The following MTSS1 variants were observed in gnomAD, a reference collection of about 807,000 sequenced individuals.
MTSS1 encodes protein MTSS 1.
MTSS1 carries 18 observed loss-of-function variants against 79.0 expected under a neutral mutation model. The observed-to-expected ratio is 0.23, with a 90% CI of 0.16 to 0.34. The LOEUF (loss-of-function observed/expected upper bound fraction) is 0.34, where lower values mean the gene tolerates loss of function less well. Ranked by LOEUF, MTSS1 falls within the 10% of genes least tolerant of loss-of-function variation. The pLI is 1.00. For missense variants in MTSS1, 815 were observed against 986.2 expected (o/e 0.83, Z 2.33); for synonymous variants, 341 against 368.6 (o/e 0.93, Z 0.86).
chr8:124,700,500 T>C (rs1026937985), intron 2 of MTSS1, among the ~76,000 whole-genome samples: 1 of 152,172 alleles, frequency 6.6e-6, no homozygotes, highest in African/African-American at 2.4e-5. Flanking sequence ...GTGACTTTTC[T>C]CCCTAGATCC....
rs1833963660 is a variant in MTSS1, at chr8:124,727,826, G to C, written c.72+58C>G. ...GCCCGGCCCGGGGTGGAGGCGAAGC[G>C]CGGCGGCGAGGTCAGAGCGCGGCGG... On this transcript the variant is annotated intron_variant, in intron 1 of 13. Coordinates refer to ENST00000518547, the MANE Select transcript of MTSS1 (RefSeq NM_014751.6). This position sits in a 1 kb window ranked among gnomAD's most constrained non-coding sequence, Gnocchi z 4.7. The C allele has an allele frequency of 7.0e-7, 1 of 1,435,274 alleles. No homozygotes were observed. The highest frequency in any genetic ancestry group is 2.8e-5 in the Admixed American group (1 of 35,694). The allele number at this position is 1,435,274 out of a possible 1,614,324, so 88.9% of individuals were successfully genotyped here. A position where few individuals can be genotyped will look rare whatever the true frequency, so the allele number is the denominator to read the frequency against.
intron 3 of MTSS1, among the ~76,000 whole-genome samples, chr8:124,688,860 G>A (rs914997712): frequency 6.6e-5 from 10 of 152,040 alleles, no homozygotes; most frequent in East Asian, 1.9e-4. Context: ...GTGTGACCTC[G>A]GACAAGTGAC....
At chr8:124,707,962 C>G (rs548952549) in intron 1 of MTSS1, among the ~76,000 whole-genome samples, 1 of 152,178 alleles carries the variant, frequency 6.6e-6, no homozygotes, top group Non-Finnish European at 1.5e-5. Context: ...AGCACTGGGT[C>G]CTGAGGTCTA....
At chr8:124,554,853 T>C (rs1332171860) in intron 13 of MTSS1, among the ~76,000 whole-genome samples, 1 of 152,136 alleles carries the variant, frequency 6.6e-6, no homozygotes, top group East Asian at 1.9e-4. Context: ...AAAATGAAGC[T>C]ATTCCTTTGA....
intron 3 of MTSS1, among the ~76,000 whole-genome samples, chr8:124,634,618 A>G (rs1434549495): frequency 6.6e-6 from 1 of 152,146 alleles, no homozygotes; most frequent in Non-Finnish European, 1.5e-5. Context: ...CAACAGGGAA[A>G]TACTCATCTC....
intron 3 of MTSS1, among the ~76,000 whole-genome samples, chr8:124,608,527 G>C (rs1030225599): frequency 3.9e-5 from 6 of 152,234 alleles, no homozygotes; most frequent in Non-Finnish European, 8.8e-5. Context: ...GCATGTTCAG[G>C]TTGCCGACAT....
chr8:124,614,705 C>T (rs1384664067), intron 3 of MTSS1, among the ~76,000 whole-genome samples: 1 of 152,196 alleles, frequency 6.6e-6, no homozygotes, highest in Non-Finnish European at 1.5e-5. Flanking sequence ...TGTCCCATAA[C>T]AATGTTTCTA....
intron 3 of MTSS1, among the ~76,000 whole-genome samples, chr8:124,664,303 G>C (rs892601621): frequency 5.9e-5 from 9 of 152,154 alleles, no homozygotes; most frequent in Non-Finnish European, 1.2e-4. Context: ...ACACAGGCGT[G>C]GCTATCTCCT....
chr8:124,696,127 A>G (rs1194618444), intron 3 of MTSS1, among the ~76,000 whole-genome samples: 2 of 151,978 alleles, frequency 1.3e-5, no homozygotes, highest in South Asian at 2.1e-4. Flanking sequence ...AGCTGGGATT[A>G]CAGGTGCCCA....
intron 4 of MTSS1, among the ~76,000 whole-genome samples, chr8:124,590,204 G>A (rs1437939859): frequency 5.3e-5 from 8 of 152,238 alleles, no homozygotes; most frequent in South Asian, 2.1e-4. Flanking sequence ...GTGACTGGTG[G>A]GAGTGACCCT....
chr8:124,561,880 G>A (rs1274036776), intron 10 of MTSS1, among the ~76,000 whole-genome samples: 1 of 151,956 alleles, frequency 6.6e-6, no homozygotes, highest in Non-Finnish European at 1.5e-5. Context: ...GGCTCTGAGT[G>A]CGTTTAAAAT....
At chr8:124,711,339 C>T (rs1206772687) in intron 1 of MTSS1, among the ~76,000 whole-genome samples, 1 of 152,182 alleles carries the variant, frequency 6.6e-6, no homozygotes, top group African/African-American at 2.4e-5. Flanking sequence ...CTCACAGCAG[C>T]CCAGGCAGGC....
chr8:124,627,151 T>G (rs1814852445), intron 3 of MTSS1, among the ~76,000 whole-genome samples: 1 of 152,078 alleles, frequency 6.6e-6, no homozygotes, highest in Non-Finnish European at 1.5e-5. Flanking sequence ...TATCCTCCCC[T>G]GCAACCTGGT....
chr8:124,567,774 A>G (rs1455082725), intron 7 of MTSS1: 1 of 1,528,692 alleles, frequency 6.5e-7, no homozygotes, highest in Non-Finnish European at 8.7e-7. Context: ...TTCTGTGCTC[A>G]GGGGAACAAC....
At chr8:124,647,085 A>G (rs1181916784) in intron 3 of MTSS1, among the ~76,000 whole-genome samples, 1 of 152,212 alleles carries the variant, frequency 6.6e-6, no homozygotes, top group Non-Finnish European at 1.5e-5. Flanking sequence ...CCTAGGCTCA[A>G]GTGATCCTCC....
chr8:124,625,543 G>A (rs1190065540), intron 3 of MTSS1, among the ~76,000 whole-genome samples: 4 of 152,184 alleles, frequency 2.6e-5, no homozygotes, highest in Non-Finnish European at 5.9e-5. Context: ...TCCAACACAG[G>A]CGGCTTTCAT....
chr8:124,681,713 G>A (rs1217385015), intron 3 of MTSS1, among the ~76,000 whole-genome samples: 3 of 152,216 alleles, frequency 2.0e-5, no homozygotes, highest in East Asian at 3.9e-4. Context: ...GCTTGAACCT[G>A]GGAGGCAGAG....
intron 3 of MTSS1, among the ~76,000 whole-genome samples, chr8:124,652,930 TATC>T (rs955881714): frequency 5.3e-5 from 8 of 152,248 alleles, no homozygotes; most frequent in Non-Finnish European, 8.8e-5. Flanking sequence ...CGTGAAAGGT[TATC>T]ATCACCTCTG....
At chr8:124,722,115 C>T (rs888637313) in intron 1 of MTSS1, among the ~76,000 whole-genome samples, 4 of 148,546 alleles carry the variant, frequency 2.7e-5, no homozygotes, top group Non-Finnish European at 5.9e-5. Context: ...AGGCACTCAA[C>T]TCAATTGATT....
Sources: gnomAD v4.1 joint callset for allele counts (sites outside exome capture counted in the v4.1 genomes callset) on GRCh38, gnomAD v4.1.1 for gene constraint, Gnocchi (gnomAD v3.1) non-coding constraint, MANE v1.5 for transcripts, NCBI Gene and HGNC (gene_info 2026-07-23, HGNC 2026-07-21) for gene names.